TCHH: variants seen among roughly 807,000 people sequenced by gnomAD.
TCHH encodes the protein trichohyalin.
TCHH carries 6 observed loss-of-function variants against 6.3 expected under a neutral mutation model. The observed-to-expected ratio is 0.95, with a 90% confidence interval of 0.52 to 1.88. The LOEUF (loss-of-function observed/expected upper bound fraction) is 1.88, where lower values mean the gene tolerates loss of function less well. Among genes scored for constraint, TCHH ranks in the 40% most tolerant of loss-of-function variants. The probability of loss-of-function intolerance (pLI) is 0.01; values close to 1 mark genes in which losing one functional copy is unlikely to be tolerated. For missense variants in TCHH, 2,920 were observed against 2,449.1 expected (o/e 1.19, Z -4.06); for synonymous variants, 1,087 against 963.6 (o/e 1.13, Z -2.37).
Position 152,109,241 on chromosome 1 carries a change from CTCTTT to C in TCHH, c.3971_3975del (p.Glu1324GlyfsTer34). The C allele has an allele frequency of 1.2e-6, 2 of 1,614,260 alleles. No individual in the cohort carries two copies. The highest frequency in any genetic ancestry group is 1.7e-6 in the Non-Finnish European group (2 of 1,180,032). The stretch of plus-strand genomic sequence containing the variant: ...GTCTCTTGACGGCGTCTCTTCTCTT[CTCTTT>C]CCTCTCTCAGCAACTGCTTTTCCTC... On this transcript the variant is annotated frameshift_variant, in exon 3 of 3. Coordinates refer to ENST00000614923, the MANE Select transcript of TCHH (RefSeq NM_007113.4). LOFTEE classifies it low-confidence loss of function (END_TRUNC).
Position 152,109,796 on chromosome 1 carries a change from G to T in TCHH, c.3421C>A (p.Arg1141=). Residue 1141 remains arginine, a synonymous_variant, in exon 3 of 3, where the codon CGG becomes AGG. Coordinates refer to ENST00000614923, the MANE Select transcript of TCHH (RefSeq NM_007113.4). ...TCCTGCTGCACCTCCTCTTCCTCCC[G>T]ATATTGCCTCTCCAGCTCCTGGCGC... is the stretch of plus-strand genomic sequence containing the variant. ...RRRQELERQY[R]EEEEVQQEEE... The T allele has an allele frequency of 2.5e-6, 4 of 1,576,554 alleles. No individual in the cohort carries two copies. Among genetic ancestry groups the T allele is most frequent in the Non-Finnish European group, 3.4e-6 (4 of 1,161,352 alleles).
rs1345712394 is a variant in TCHH, at chr1:152,111,105, C to T, written c.2112G>A (p.Trp704Ter). ...CGGCCTCGCTTTCTAGCTGCCACTG[C>T]CACTTCGGGATGCGGCTCTTAATCC... ...RERIKSRIPKWQWQLESEADA... is the reference protein window; with the variant it reads ...RERIKSRIPK The change falls in exon 3 of 3, where the codon TGG (tryptophan) becomes TGA (stop). Residue 704 changes from tryptophan to a stop codon, truncating the protein, a stop_gained. Coordinates refer to ENST00000614923, the MANE Select transcript of TCHH (RefSeq NM_007113.4). LOFTEE classifies it low-confidence loss of function (END_TRUNC). 2 of 1,613,690 alleles carry T rather than the reference C, an allele frequency of 1.2e-6. No individual in the cohort carries two copies. The highest frequency in any genetic ancestry group is 1.1e-5 in the South Asian group (1 of 91,086).
In TCHH at chr1:152,108,740, G is replaced by A; in HGVS notation, c.4477C>T (p.Gln1493Ter). The change falls in exon 3 of 3, where the codon CAG becomes TAG. Residue 1493 changes from glutamine (Q) to a stop codon, truncating the protein, a stop_gained. Coordinates refer to ENST00000614923, the MANE Select transcript of TCHH (RefSeq NM_007113.4). LOFTEE classifies it low-confidence loss of function (END_TRUNC). The stretch of plus-strand genomic sequence containing the variant: ...CTGTCACGCTCTTGGCGGCGCAGCT[G>A]TTGTTCCTCCTCCAGGAATTTTCTG... ...RDRKFLEEEQ[Q>*]LRRQERDRKF... 6.2e-7 allele frequency: 1 copy of A among 1,611,374 alleles called. No homozygotes were observed. The highest frequency in any genetic ancestry group is 1.1e-5 in the South Asian group (1 of 90,932).
rs201573331 is a variant in TCHH, at chr1:152,109,201, C to A, written c.4016G>T (p.Arg1339Leu). The change falls in exon 3 of 3, where the codon CGC becomes CTC. Residue 1339 changes from arginine to leucine, a missense_variant. Arg to Leu is a moderately radical substitution (Grantham distance 102). Coordinates refer to ENST00000614923, the MANE Select transcript of TCHH (RefSeq NM_007113.4). ...TTCCTGGAGCAGCTGTTCCTCCTCG[C>A]GGAATTTTCTGTCTGTCTCTTGACG... is the stretch of plus-strand genomic sequence containing the variant. The part of the protein sequence containing the change: ...RRRQETDRKF[R>L]EEEQLLQERE... 9.9e-5 allele frequency: 160 copies of A among 1,614,126 alleles called. No homozygotes were observed. Among genetic ancestry groups the A allele is most frequent in the Admixed American group, 6.7e-5 (4 of 60,012 alleles).
Position 152,112,456 on chromosome 1 carries a change from C to A in TCHH, c.761G>T (p.Arg254Leu). ...TTCCTGCAACTTCTCTTCTTCCTTC[C>A]GGAGCACTGTCTCGCGCTTCCTCCA... ...KEWRKRETVLRKEEEKLQEEE... is the reference protein window; with the variant it reads ...KEWRKRETVLLKEEEKLQEEE... Residue 254 changes from arginine (R) to leucine (L), a missense_variant, in exon 3 of 3, where the codon CGG (arginine) becomes CTG (leucine). By Grantham distance (102) the Arg-to-Leu change is moderately radical (BLOSUM62 -2). Transcript: ENST00000614923. 6.2e-7 allele frequency: 1 copy of A among 1,613,668 alleles called. No homozygotes were observed. Among genetic ancestry groups the A allele is most frequent in the South Asian group, 1.1e-5 (1 of 91,056 alleles).
Position 152,108,020 on chromosome 1 carries a change from G to C in TCHH, c.5197C>G (p.Gln1733Glu). The part of the protein sequence containing the change: ...RKFREEEQLR[Q>E]ETEQEQLRRQ... ...CGCAGCTGCTCTTGCTCCGTTTCTT[G>C]GCGCAGCTGTTCCTCCTCACGGAAT... The change falls in exon 3 of 3, where the codon CAA becomes GAA. Residue 1733 changes from glutamine (Q) to glutamate (E), a missense_variant. By Grantham distance (29) the Gln-to-Glu change is conservative. Transcript: ENST00000614923. 1 of 1,613,368 alleles carries C rather than the reference G, an allele frequency of 6.2e-7. No individual in the cohort carries two copies. Among genetic ancestry groups the C allele is most frequent in the Non-Finnish European group, 8.5e-7 (1 of 1,179,832 alleles).
In TCHH at chr1:152,109,545, T is replaced by C. The variant is rs1241078561; in HGVS notation, c.3672A>G (p.Lys1224=). 6.2e-7 allele frequency: 1 copy of C among 1,614,264 alleles called. No individual in the cohort carries two copies. The highest frequency in any genetic ancestry group is 8.5e-7 in the Non-Finnish European group (1 of 1,180,052). ...YRDEDQRSDL[K]WQWEPEKENA... ...TTTCTTTTTCTGGTTCCCACTGCCA[T>C]TTCAGATCACTGCGCTGATCCTCAT... The change falls in exon 3 of 3, where the codon AAA becomes AAG. Residue 1224 remains lysine, a synonymous_variant. Coordinates refer to ENST00000614923, the MANE Select transcript of TCHH (RefSeq NM_007113.4).
In TCHH at chr1:152,110,702, G is replaced by C. The variant is rs1034125707; in HGVS notation, c.2515C>G (p.Gln839Glu). 17 of 1,612,250 alleles carry C rather than the reference G, an allele frequency of 1.1e-5. No homozygotes were observed. Among genetic ancestry groups the C allele is most frequent in the Non-Finnish European group, 1.4e-5 (16 of 1,179,960 alleles). Reference protein sequence around the residue: ...KELQFLEEEEQLQRRERAQQL... With the variant: ...KELQFLEEEEELQRRERAQQL... ...TGGGCACGCTCCCGCCGCTGGAGCT[G>C]CTCCTCTTCCTCCAGGAACTGCAGC... The change falls in exon 3 of 3, where the codon CAG becomes GAG. Residue 839 changes from glutamine (Q) to glutamate (E), a missense_variant. By Grantham distance (29) the Gln-to-Glu change is conservative. Coordinates refer to ENST00000614923, the MANE Select transcript of TCHH (RefSeq NM_007113.4).
rs1250876730 is a variant in TCHH, at chr1:152,110,692, C to A, written c.2525G>T (p.Arg842Leu). Residue 842 changes from arginine to leucine, a missense_variant, in exon 3 of 3, where the codon CGG (arginine) becomes CTG (leucine). Transcript: ENST00000614923. The part of the protein sequence containing the change: ...QFLEEEEQLQ[R>L]RERAQQLQEE... ...CTGGAGCTGTTGGGCACGCTCCCGC[C>A]GCTGGAGCTGCTCCTCTTCCTCCAG... 6.2e-7 allele frequency: 1 copy of A among 1,612,622 alleles called. No individual in the cohort carries two copies. Among genetic ancestry groups the A allele is most frequent in the East Asian group, 2.2e-5 (1 of 44,842 alleles).
At position 152,112,595 on chromosome 1, in the gene TCHH, C is replaced by T. The variant is rs1658416377; in HGVS notation, c.622G>A (p.Glu208Lys). 1.2e-6 allele frequency: 2 copies of T among 1,613,732 alleles called. No individual in the cohort carries two copies. The highest frequency in any genetic ancestry group is 1.6e-4 in the Middle Eastern group (1 of 6,062). The change falls in exon 3 of 3, where the codon GAG (glutamate) becomes AAG (lysine). Residue 208 changes from glutamate (E) to lysine (K), a missense_variant. Glu to Lys is a moderately conservative substitution (Grantham distance 56). Transcript: ENST00000614923. Reference sequence around the variant, plus strand: ...AGCAGCTCCCGCCTTCGCAGTTGCTCTTCGTCTGGAAACTCCTCAGTTTCG... The same window carrying T: ...AGCAGCTCCCGCCTTCGCAGTTGCTTTTCGTCTGGAAACTCCTCAGTTTCG... Reference protein sequence around the residue: ...GHETEEFPDEEQLRRRELLEL... With the variant: ...GHETEEFPDEKQLRRRELLEL...
In TCHH at chr1:152,107,951, G is replaced by C. The variant is rs769071820; in HGVS notation, c.5266C>G (p.Arg1756Gly). 4.3e-6 allele frequency: 7 copies of C among 1,609,406 alleles called. No individual in the cohort carries two copies. In the African/African-American group the frequency reaches 5.4e-5, roughly 13 times the overall value. Residue 1756 changes from arginine (R) to glycine (G), a missense_variant, in exon 3 of 3, where the codon CGT (arginine) becomes GGT (glycine). Coordinates refer to ENST00000614923, the MANE Select transcript of TCHH (RefSeq NM_007113.4). ...AGCTGCTGTTCTTCCCTTTCCGGAC[G>C]GAGCTGCTCTTCCTCTAGGATTTTT... ...YRKILEEEQL[R>G]PEREEQQLRR... is the part of the protein sequence containing the mutation.
chr1:152,111,823 T>A lies in TCHH; in HGVS notation c.1394A>T (p.Glu465Val). ...RDWLKREEET[E>V]RHEQERRKQQ... ...CTTGCGCCTCTCCTGCTCGTGCCTC[T>A]CCGTCTCCTCCTCGCGCTTCAGCCA... Residue 465 changes from glutamate to valine, a missense_variant, in exon 3 of 3, where the codon GAG (glutamate) becomes GTG (valine). Coordinates refer to ENST00000614923, the MANE Select transcript of TCHH (RefSeq NM_007113.4). The A allele has an allele frequency of 6.5e-7, 1 of 1,527,228 alleles. No homozygotes were observed. Among genetic ancestry groups the A allele is most frequent in the South Asian group, 1.1e-5 (1 of 88,906 alleles). 94.6% of individuals were successfully genotyped at this position (1,527,228 alleles called of 1,614,324 possible). A position where few individuals can be genotyped will look rare whatever the true frequency, so the allele number is the denominator to read the frequency against.
chr1:152,111,731 T>TCTCCTGCTGCTCGCGCCC lies in TCHH; in HGVS notation c.1485_1486insGGGCGCGAGCAGCAGGAG (p.Glu495_Arg496insGlyArgGluGlnGlnGlu). On this transcript the variant is annotated inframe_insertion, in exon 3 of 3. Coordinates refer to ENST00000614923, the MANE Select transcript of TCHH (RefSeq NM_007113.4). ...TCGCGCCTCTCCTGCTGCTCGCGCC[T>TCTCCTGCTGCTCGCGCCC]CTCCTCCTCCTCGAGCTTCAGCCAA... 1 of 1,588,154 alleles carries TCTCCTGCTGCTCGCGCCC rather than the reference T, an allele frequency of 6.3e-7. No individual in the cohort carries two copies.
Position 152,108,567 on chromosome 1 carries a change from ACGCCGCTGTTGCCCG to A in TCHH, c.4635_4649del (p.Gly1546_Arg1550del). On this transcript the variant is annotated inframe_deletion, in exon 3 of 3. Transcript: ENST00000614923. ...CGCGGAATTTTCTGTCACGGTCCTG[ACGCCGCTGTTGCCCG>A]CGCTCCTGGCGGCGCAGCTGCTGTT... 2 of 1,571,088 alleles carry A rather than the reference ACGCCGCTGTTGCCCG, an allele frequency of 1.3e-6. No individual in the cohort carries two copies. The highest frequency in any genetic ancestry group is 1.8e-5 in the Admixed American group (1 of 55,444).
Position 152,108,377 on chromosome 1 carries a change from G to A in TCHH, c.4840C>T (p.Arg1614Cys), listed in dbSNP as rs746965635. The A allele has an allele frequency of 3.7e-6, 6 of 1,612,252 alleles. No individual in the cohort carries two copies. In the East Asian group the frequency reaches 1.1e-4, roughly 30 times the overall value. Residue 1614 changes from arginine (R) to cysteine (C), a missense_variant, in exon 3 of 3, where the codon CGC becomes TGC. By Grantham distance (180) the Arg-to-Cys change is radical (BLOSUM62 -3). Transcript: ENST00000614923. ...LRRQEGQQQL[R>C]QERDRKFRED... ...CGGAATTTTCTGTCGCGCTCCTGGC[G>A]CAGCTGTTGTTGGCCCTCCTGGCGG...
chr1:152,111,212 C>A lies in TCHH; in HGVS notation c.2005G>T (p.Glu669Ter), dbSNP rs755360885. Residue 669 changes from glutamate to a stop codon, truncating the protein, a stop_gained, in exon 3 of 3, where the codon GAG (glutamate) becomes TAG (stop). Coordinates refer to ENST00000614923, the MANE Select transcript of TCHH (RefSeq NM_007113.4). LOFTEE classifies it low-confidence loss of function (END_TRUNC). ...TCATGCTCGCGCTTCAGCCGCTGCTCGAGCCTCTCTTCCTCCTCCTCGCGC... is the reference window on the plus strand; with the variant it reads ...TCATGCTCGCGCTTCAGCCGCTGCTAGAGCCTCTCTTCCTCCTCCTCGCGC... Reference protein sequence around the residue: ...LKREEEEERLEQRLKREHEEE... With the variant: ...LKREEEEERL 1 of 1,608,946 alleles carries A rather than the reference C, an allele frequency of 6.2e-7. No homozygotes were observed. The highest frequency in any genetic ancestry group is 1.4e-5 in the African/African-American group (1 of 73,728).
chr1:152,109,171 T>A lies in TCHH; in HGVS notation c.4046A>T (p.Glu1349Val), dbSNP rs1426685094. 4 of 1,613,894 alleles carry A rather than the reference T, an allele frequency of 2.5e-6. No individual in the cohort carries two copies. Among genetic ancestry groups the A allele is most frequent in the Admixed American group, 1.7e-5 (1 of 60,008 alleles). The change falls in exon 3 of 3, where the codon GAG (glutamate) becomes GTG (valine). Residue 1349 changes from glutamate to valine, a missense_variant. By Grantham distance (121) the Glu-to-Val change is moderately radical (BLOSUM62 -2). Coordinates refer to ENST00000614923, the MANE Select transcript of TCHH (RefSeq NM_007113.4). ...CTCTTGGCGGCGCAGCGGCTGTTCC[T>A]CCCTTTCCTGGAGCAGCTGTTCCTC... ...REEEQLLQEREEQPLRRQERD... is the reference protein window; with the variant it reads ...REEEQLLQERVEQPLRRQERD...
In TCHH at chr1:152,108,350, C is replaced by A; in HGVS notation, c.4867G>T (p.Glu1623Ter). 1 of 1,606,592 alleles carries A rather than the reference C, an allele frequency of 6.2e-7. No individual in the cohort carries two copies. The change falls in exon 3 of 3, where the codon GAA (glutamate) becomes TAA (stop). Residue 1623 changes from glutamate (E) to a stop codon, truncating the protein, a stop_gained. Coordinates refer to ENST00000614923, the MANE Select transcript of TCHH (RefSeq NM_007113.4). LOFTEE classifies it low-confidence loss of function (END_TRUNC). ...LRQERDRKFR[E>*]DEQLLQEREE... ...CTTTCCTGGAGCAGCTGTTCGTCTT[C>A]GCGGAATTTTCTGTCGCGCTCCTGG...
At position 152,108,537 on chromosome 1, in the gene TCHH, C is replaced by T. The variant is rs202016385; in HGVS notation, c.4680G>A (p.Glu1560=). 1,962 of 1,607,484 alleles carry T rather than the reference C, an allele frequency of 1.2e-3. 49 individuals are homozygous for T. In the South Asian group the frequency reaches 0.02, roughly 17 times the overall value. Residue 1560 remains glutamate (E), a synonymous_variant, in exon 3 of 3, where the codon GAG becomes GAA. Transcript: ENST00000614923. ...CCTCCCTCTCCTGGCGCAGCTGTTC[C>T]TCCTCGCGGAATTTTCTGTCACGGT... The part of the protein sequence containing the change: ...RQDRDRKFRE[E]EQLRQEREEQ...
Sources: gnomAD v4.1 joint callset for allele counts on GRCh38, gnomAD v4.1.1 for gene constraint, MANE v1.5 for transcripts, NCBI Gene and HGNC (gene_info 2026-07-23, HGNC 2026-07-21) for gene names.